TMEM114: variants seen among roughly 807,000 people sequenced by gnomAD.
The protein encoded by TMEM114 is transmembrane protein 114.
TMEM114 carries 6 observed loss-of-function variants against 6.2 expected under a neutral mutation model. The ratio of observed to expected loss-of-function variants is 0.97; its 90% CI spans 0.53 to 1.91. The LOEUF (loss-of-function observed/expected upper bound fraction) is 1.91. TMEM114 is among the 40% of genes most tolerant of loss of function. The pLI is 0.01. For missense variants in TMEM114, 218 were observed against 158.3 expected, an observed-to-expected ratio of 1.38 and a Z score of -2.02; for synonymous variants, 104 against 73.0, an observed-to-expected ratio of 1.42 and a Z score of -2.16.
chr16:8,587,543 G>A (rs1385386654), intron 2 of TMEM114, among the ~76,000 whole-genome samples: 1 of 152,228 alleles, frequency 6.6e-6, no homozygotes, highest in Non-Finnish European at 1.5e-5. Context: ...TTTGTGGCAG[G>A]AGGAAACTTA....
intron 2 of TMEM114, among the ~76,000 whole-genome samples, chr16:8,588,732 C>T (rs1902391208): frequency 6.6e-6 from 1 of 152,176 alleles, no homozygotes; most frequent in African/African-American, 2.4e-5. Context: ...TCTATCGCAC[C>T]CCACTACTGC....
At chr16:8,563,837 G>GT (rs1901395149) in intron 2 of TMEM114, among the ~76,000 whole-genome samples, 1 of 84,948 alleles carries the variant, frequency 1.2e-5, no homozygotes, top group Non-Finnish European at 3.0e-5. Context: ...GAATGAGTGA[G>GT]GGAGGGAGGG....
At chr16:8,542,857 C>T (rs1257006542) in intron 2 of TMEM114, among the ~76,000 whole-genome samples, 1 of 152,128 alleles carries the variant, frequency 6.6e-6, no homozygotes, top group Non-Finnish European at 1.5e-5. Context: ...GTTTAGCAAA[C>T]GTAGTCTTCT....
At chr16:8,547,579 G>C (rs1031286173) in intron 2 of TMEM114, among the ~76,000 whole-genome samples, 77 of 152,018 alleles carry the variant, frequency 5.1e-4, no homozygotes, top group Non-Finnish European at 1.6e-4. Context: ...TTTTAGTAGA[G>C]ACAGGGTTTC....
At chr16:8,554,818 A>G (rs1266633419) in intron 2 of TMEM114, among the ~76,000 whole-genome samples, 1 of 152,168 alleles carries the variant, frequency 6.6e-6, no homozygotes, top group Non-Finnish European at 1.5e-5. Context: ...CCCTGAGGGT[A>G]GGCACTGATG....
chr16:8,580,962 G>A (rs1364379780), intron 2 of TMEM114, among the ~76,000 whole-genome samples: 1 of 152,216 alleles, frequency 6.6e-6, no homozygotes, highest in Middle Eastern at 3.2e-3. Context: ...AAAGTGCTGG[G>A]ATTACAGGCG....
chr16:8,536,174 G>A (rs918472871), downstream of TMEM114, among the ~76,000 whole-genome samples: 4 of 150,532 alleles, frequency 2.7e-5, no homozygotes, highest in Non-Finnish European at 4.4e-5. Context: ...GCAGTGAGCC[G>A]AGATAGCACC....
intron 2 of TMEM114, among the ~76,000 whole-genome samples, chr16:8,587,210 T>C (rs1187056539): frequency 6.6e-6 from 1 of 152,158 alleles, no homozygotes; most frequent in Non-Finnish European, 1.5e-5. Flanking sequence ...TGGTTCACCA[T>C]AAACCCATAT....
chr16:8,560,599 C>G (rs746233678), intron 2 of TMEM114, among the ~76,000 whole-genome samples: 1 of 152,200 alleles, frequency 6.6e-6, no homozygotes. Context: ...AAGGGAGATT[C>G]TGAGGCTGGA....
chr16:8,555,860 G>A (rs1203504834), intron 2 of TMEM114, among the ~76,000 whole-genome samples: 3 of 152,178 alleles, frequency 2.0e-5, no homozygotes, highest in African/African-American at 7.2e-5. Flanking sequence ...AGAATATCTG[G>A]CCTCAAATGT....
chr16:8,546,665 G>A (rs991791395), intron 2 of TMEM114, among the ~76,000 whole-genome samples: 1 of 152,216 alleles, frequency 6.6e-6, no homozygotes, highest in Middle Eastern at 3.4e-3. Context: ...TATCCAACTG[G>A]GGATAAACCC....
At chr16:8,575,521 C>A (rs12923305) in intron 2 of TMEM114, among the ~76,000 whole-genome samples, 23,574 of 152,178 alleles carry the variant, frequency 0.15, 2,344 homozygotes, top group East Asian at 0.29. Context: ...CAACTGGTCA[C>A]CACACTTCTC....
chr16:8,575,692 T>G lies in TMEM114; in HGVS notation c.302-3468A>C, dbSNP rs931892864. ...CAGCTAAATGGGAATACTAAGAGTA[T>G]GCACTTTACAGGATTGTGTACTGAG... is the stretch of plus-strand genomic sequence containing the variant. On this transcript the variant is annotated intron_variant, in intron 2 of 3. Transcript: ENST00000620492. Among the ~76,000 whole-genome samples, 5 of 152,346 alleles carry G rather than the reference T, an allele frequency of 3.3e-5. No individual in the cohort carries two copies. The East Asian group carries it at 9.6e-4, about 29-fold the overall frequency.
At chr16:8,586,387 A>G (rs1304596791) in intron 2 of TMEM114, among the ~76,000 whole-genome samples, 1 of 152,216 alleles carries the variant, frequency 6.6e-6, no homozygotes, top group Non-Finnish European at 1.5e-5. Flanking sequence ...GGATGTGAAC[A>G]TTGAGGCTCA....
At chr16:8,587,301 C>G (rs1456409466) in intron 2 of TMEM114, among the ~76,000 whole-genome samples, 1 of 152,186 alleles carries the variant, frequency 6.6e-6, no homozygotes, top group Admixed American at 6.5e-5. Context: ...GTTCAGCAAA[C>G]TTTGACTCAT....
intron 2 of TMEM114, among the ~76,000 whole-genome samples, chr16:8,579,044 C>T (rs986505022): frequency 1.3e-5 from 2 of 152,128 alleles, no homozygotes; most frequent in African/African-American, 2.4e-5. Context: ...GTGTGTGCCC[C>T]AGTGCAGAGA....
intron 2 of TMEM114, among the ~76,000 whole-genome samples, chr16:8,585,082 C>A (rs574943356): frequency 4.6e-5 from 7 of 152,222 alleles, no homozygotes; most frequent in Admixed American, 3.3e-4. Flanking sequence ...GAATGAGGAG[C>A]AAAGTCACGT....
At chr16:8,567,772 G>A (rs533214631), downstream of TMEM114, among the ~76,000 whole-genome samples, 34 of 152,268 alleles carry the variant, frequency 2.2e-4, no homozygotes, top group African/African-American at 8.2e-4. Context: ...TGACGAATTT[G>A]GGGATCAAAT....
chr16:8,540,030 C>G lies in TMEM114; in HGVS notation n.213-2204G>C, dbSNP rs182828125. ...ATGGGGTTTCACCACGTTGACCAGGCTGGTCTTGAACTCTCGACCTCAGCC... is the reference window on the plus strand; with the variant it reads ...ATGGGGTTTCACCACGTTGACCAGGGTGGTCTTGAACTCTCGACCTCAGCC... On this transcript the variant is annotated intron_variant and non_coding_transcript_variant, in intron 2 of 2. Coordinates refer to the TMEM114 transcript ENST00000623677. 9.3e-4 allele frequency among the ~76,000 whole-genome samples: 141 copies of G among 152,192 alleles called. No homozygotes were observed. The Middle Eastern group carries it at 0.01, about 11-fold the overall frequency.
Sources: gnomAD v4.1 joint callset for allele counts (sites outside exome capture counted in the v4.1 genomes callset) on GRCh38, gnomAD v4.1.1 for gene constraint, MANE v1.5 for transcripts, NCBI Gene and HGNC (gene_info 2026-07-23, HGNC 2026-07-21) for gene names.